Variants in MSRA observed in about 807,000 individuals in gnomAD.
MSRA encodes the protein methionine sulfoxide reductase A, also known as mitochondrial peptide methionine sulfoxide reductase.
MSRA carries 54 observed loss-of-function variants against 31.3 expected under a neutral mutation model. The ratio of observed to expected loss-of-function variants is 1.73; its 90% confidence interval spans 1.39 to 2.17. MSRA has a LOEUF of 2.17. Among genes scored for constraint, MSRA ranks in the 30% most tolerant of loss-of-function variants. MSRA has a pLI of 0.00. For missense variants in MSRA, 507 were observed against 300.9 expected (o/e 1.69, Z -5.07); for synonymous variants, 169 against 116.5 (o/e 1.45, Z -2.90).
intron 5 of MSRA, among the ~76,000 whole-genome samples, chr8:10,333,214 G>A (rs180798272): frequency 4.7e-4 from 72 of 152,314 alleles, no homozygotes; most frequent in Non-Finnish European, 9.7e-4. Context: ...TCTTTCAGTG[G>A]CAACAGGGGA....
intron 5 of MSRA, among the ~76,000 whole-genome samples, chr8:10,406,944 C>T (rs926211798): frequency 6.6e-6 from 1 of 152,224 alleles, no homozygotes; most frequent in Non-Finnish European, 1.5e-5. Context: ...CCTTGATCTT[C>T]TGGGCTCCCT....
chr8:10,393,134 G>T lies in MSRA; in HGVS notation c.544-35014G>T, dbSNP rs368435732. On this transcript the variant is annotated intron_variant, in intron 5 of 5. Transcript: ENST00000317173. ...TATGCTGCGAGAAAAGAACCACTTTGTCCACTGCTGCTCCTTGAGCTTGGG... is the reference window on the plus strand; with the variant it reads ...TATGCTGCGAGAAAAGAACCACTTTTTCCACTGCTGCTCCTTGAGCTTGGG... Among the ~76,000 whole-genome samples the T allele has an allele frequency of 1.5e-4, 23 of 149,670 alleles. No individual in the cohort carries two copies. The East Asian group carries it at 3.4e-3, about 22-fold the overall frequency.
At chr8:10,370,512 T>C (rs548494297) in intron 5 of MSRA, among the ~76,000 whole-genome samples, 1 of 152,316 alleles carries the variant, frequency 6.6e-6, no homozygotes, top group South Asian at 2.1e-4. Flanking sequence ...ATGTTGGTTG[T>C]CATTTAATCA....
chr8:10,257,448 C>T (rs1303595981), intron 3 of MSRA, among the ~76,000 whole-genome samples: 1 of 152,096 alleles, frequency 6.6e-6, no homozygotes, highest in Non-Finnish European at 1.5e-5. Context: ...CTCTTGTTGC[C>T]CAGGCTGGAG....
At chr8:10,173,393 C>G (rs1805766064) in intron 1 of MSRA, among the ~76,000 whole-genome samples, 1 of 152,208 alleles carries the variant, frequency 6.6e-6, no homozygotes, top group African/African-American at 2.4e-5. Flanking sequence ...ATCGAAACGG[C>G]TTGGCGTCAT....
At chr8:10,317,289 T>A (rs4840477) in intron 4 of MSRA, among the ~76,000 whole-genome samples, 2 of 152,200 alleles carry the variant, frequency 1.3e-5, no homozygotes, top group African/African-American at 4.8e-5. Context: ...AAGTTCTCAT[T>A]TTCAGACACA....
chr8:10,145,704 C>G (rs1301477305), intron 1 of MSRA, among the ~76,000 whole-genome samples: 3 of 152,146 alleles, frequency 2.0e-5, no homozygotes, highest in African/African-American at 7.2e-5. Context: ...GACATGGTGC[C>G]TCCCGAATGA....
At chr8:10,248,703 T>C (rs568150357) in intron 3 of MSRA, among the ~76,000 whole-genome samples, 5 of 152,272 alleles carry the variant, frequency 3.3e-5, no homozygotes, top group Admixed American at 3.3e-4. Flanking sequence ...ACTAGGCATA[T>C]AGAAAAGATA....
chr8:10,397,751 G>A (rs1807188939), intron 5 of MSRA, among the ~76,000 whole-genome samples: 1 of 152,216 alleles, frequency 6.6e-6, no homozygotes, highest in Non-Finnish European at 1.5e-5. Context: ...ACATGAAGAT[G>A]TTGTTGGAAT....
intron 1 of MSRA, among the ~76,000 whole-genome samples, chr8:10,082,723 C>T (rs191585966): frequency 1.3e-5 from 2 of 152,276 alleles, no homozygotes; most frequent in East Asian, 3.9e-4. Context: ...CTGTGATCTC[C>T]ATTCCGGTGT....
At chr8:10,366,981 G>A (rs761311952) in intron 5 of MSRA, among the ~76,000 whole-genome samples, 71 of 152,240 alleles carry the variant, frequency 4.7e-4, no homozygotes, top group Non-Finnish European at 6.9e-4. Flanking sequence ...CCGCCGTTTC[G>A]CTTTCTGTGG....
In MSRA at chr8:10,427,788, T is replaced by C. The variant is rs1261625069; in HGVS notation, c.544-360T>C. On this transcript the variant is annotated intron_variant, in intron 5 of 5. Coordinates refer to ENST00000317173, the MANE Select transcript of MSRA (RefSeq NM_012331.5). The stretch of plus-strand genomic sequence containing the variant: ...ACCCTCGGGGACAGCCAGGGAGCCA[T>C]GCTTACCTGCTGTTTCCCCTGGGAG... Among the ~76,000 whole-genome samples, 3 of 152,306 alleles carry C rather than the reference T, an allele frequency of 2.0e-5. No homozygotes were observed. The South Asian group carries it at 6.2e-4, about 32-fold the overall frequency.
At chr8:10,130,089 T>C (rs1217546838) in intron 1 of MSRA, among the ~76,000 whole-genome samples, 1 of 152,206 alleles carries the variant, frequency 6.6e-6, no homozygotes, top group Non-Finnish European at 1.5e-5. Flanking sequence ...TCTGGTCATC[T>C]TAATGACTGG....
intron 4 of MSRA, among the ~76,000 whole-genome samples, chr8:10,309,295 G>C (rs1295847476): frequency 1.3e-5 from 2 of 152,278 alleles, no homozygotes; most frequent in Non-Finnish European, 2.9e-5. Context: ...TGCCTTCTCA[G>C]TGTCGGGGCG....
chr8:10,323,766 G>GTC (rs1240522085), intron 5 of MSRA, among the ~76,000 whole-genome samples: 3 of 151,546 alleles, frequency 2.0e-5, no homozygotes, highest in Non-Finnish European at 4.4e-5. Flanking sequence ...GTGTGTGTGT[G>GTC]TGTGTGTGTC....
At chr8:10,283,617 A>G (rs1799752831) in intron 3 of MSRA, among the ~76,000 whole-genome samples, 1 of 150,816 alleles carries the variant, frequency 6.6e-6, no homozygotes, top group Non-Finnish European at 1.5e-5. Context: ...TGAGTCCCCA[A>G]AAGTCCATTT....
chr8:10,316,254 A>G (rs1192343324), intron 4 of MSRA, among the ~76,000 whole-genome samples: 1 of 151,122 alleles, frequency 6.6e-6, no homozygotes, highest in Non-Finnish European at 1.5e-5. Context: ...TAAATTATAT[A>G]TATTTACAAA....
At chr8:10,389,136 C>T (rs1806577056) in intron 5 of MSRA, among the ~76,000 whole-genome samples, 1 of 152,108 alleles carries the variant, frequency 6.6e-6, no homozygotes, top group Non-Finnish European at 1.5e-5. Context: ...GGTTAAAACA[C>T]TCACCCACTC....
intron 2 of MSRA, among the ~76,000 whole-genome samples, chr8:10,209,703 C>T (rs1056413380): frequency 2.0e-5 from 3 of 152,216 alleles, no homozygotes; most frequent in African/African-American, 7.2e-5. Context: ...CAGGTGAACT[C>T]TAAGGCCTCT....
Sources: gnomAD v4.1 joint callset for allele counts (sites outside exome capture counted in the v4.1 genomes callset) on GRCh38, gnomAD v4.1.1 for gene constraint, MANE v1.5 for transcripts, NCBI Gene and HGNC (gene_info 2026-07-23, HGNC 2026-07-21) for gene names.